DBF4B: variants seen among roughly 807,000 people sequenced by gnomAD.
The protein encoded by DBF4B is protein DBF4 homolog B.
DBF4B carries 49 observed loss-of-function variants against 53.4 expected under a neutral mutation model. The ratio of observed to expected loss-of-function variants is 0.92; its 90% CI spans 0.73 to 1.16. The LOEUF is 1.16. DBF4B is among the 50% of genes most tolerant of loss of function. DBF4B has a pLI of 0.00. For synonymous variants in DBF4B, 257 were observed against 288.7 expected (o/e 0.89, Z 1.11); for missense variants, 692 against 775.0 (o/e 0.89, Z 1.27).
chr17:44,729,113 GA>G (rs569558294), intron 3 of DBF4B, among the ~76,000 whole-genome samples: 7 of 146,364 alleles, frequency 4.8e-5, no homozygotes, highest in African/African-American at 1.3e-4. Context: ...GAAAAGAAAA[GA>G]AAAAAAAAGG....
intron 10 of DBF4B, among the ~76,000 whole-genome samples, chr17:44,742,953 G>A (rs538164209): frequency 6.6e-5 from 10 of 152,308 alleles, no homozygotes; most frequent in Admixed American, 4.6e-4. Context: ...AGTTCCTGGG[G>A]CCAAGGAGGC....
intron 2 of DBF4B, among the ~76,000 whole-genome samples, chr17:44,711,024 C>T (rs191323953): frequency 8.8e-4 from 103 of 116,856 alleles, no homozygotes; most frequent in Non-Finnish European, 9.9e-4. Flanking sequence ...CTCGCTTTGT[C>T]GCCCAGGCTG....
At chr17:44,736,584 C>T (rs1324039976) in intron 7 of DBF4B, among the ~76,000 whole-genome samples, 2 of 152,200 alleles carry the variant, frequency 1.3e-5, no homozygotes, top group Non-Finnish European at 2.9e-5. Context: ...CTGTCCTGCA[C>T]TCCCTGCACA....
chr17:44,722,859 C>T (rs769018788), intron 2 of DBF4B, 21 bp from the exon 3 acceptor site: 1 of 1,611,900 alleles, frequency 6.2e-7, no homozygotes, highest in South Asian at 1.1e-5. Context: ...TCTTACTTTG[C>T]TCCTCTTTAT....
intron 7 of DBF4B, among the ~76,000 whole-genome samples, chr17:44,736,122 CGGGCA>C (rs1975402618): frequency 6.6e-6 from 1 of 151,504 alleles, no homozygotes; most frequent in Non-Finnish European, 1.5e-5. Flanking sequence ...GCTAGGACTA[CGGGCA>C]TGCGCCACCA....
At chr17:44,741,631 T>G (rs567734196) in intron 10 of DBF4B, among the ~76,000 whole-genome samples, 179 bp downstream of exon 10, 2 of 152,226 alleles carry the variant, frequency 1.3e-5, no homozygotes, top group Non-Finnish European at 2.9e-5. Flanking sequence ...TTTTGTGTTC[T>G]TCATCCGTAC....
chr17:44,749,861 A>C lies in DBF4B; in HGVS notation c.1190-734A>C, dbSNP rs2049233552. 9.7e-7 allele frequency: 1 copy of C among 1,027,826 alleles called. No individual in the cohort carries two copies. Among genetic ancestry groups the C allele is most frequent in the East Asian group, 8.7e-5 (1 of 11,534 alleles). The allele number at this position is 1,027,826 out of a possible 1,614,324, so 63.7% of individuals were successfully genotyped here. On this transcript the variant is annotated intron_variant, in intron 13 of 13. Transcript: ENST00000315005. This position sits in a 1 kb window ranked among gnomAD's most constrained non-coding sequence, Gnocchi z 4.4. ...GAGCATGTGGCCGCTCCTGCTTTCCAAAATGACTGTGTTTGTCCCCTCCCC... is the reference window on the plus strand; with the variant it reads ...GAGCATGTGGCCGCTCCTGCTTTCCCAAATGACTGTGTTTGTCCCCTCCCC...
At chr17:44,734,193 A>G (rs746589605) in intron 7 of DBF4B, 30 bp downstream of exon 7, 1 of 1,614,068 alleles carries the variant, frequency 6.2e-7, no homozygotes, top group South Asian at 1.1e-5. Context: ...TGAAGGACAA[A>G]TGGATGGTTT....
chr17:44,752,120 A>C lies in DBF4B; in HGVS notation c.*867A>C. The C allele has an allele frequency of 1.1e-6, 1 of 922,048 alleles. No homozygotes were observed. The highest frequency in any genetic ancestry group is 2.7e-5 in the East Asian group (1 of 37,010). 57.1% of individuals were successfully genotyped at this position (922,048 alleles called of 1,614,324 possible). The stretch of plus-strand genomic sequence containing the variant: ...ACCCCAACTCCCTTCTGCTGGGTGG[A>C]ATGCAGGAGCTAGCTGCCTCCAACT... On this transcript the variant is annotated 3_prime_UTR_variant, in exon 14 of 14. Coordinates refer to ENST00000315005, the MANE Select transcript of DBF4B (RefSeq NM_145663.3).
intron 8 of DBF4B, 22 bp downstream of exon 8, chr17:44,736,888 C>T (rs1975498168): frequency 1.2e-6 from 2 of 1,613,296 alleles, no homozygotes; most frequent in Non-Finnish European, 1.7e-6. Flanking sequence ...AGCTTTTCCT[C>T]ATCTAATTGC....
intron 2 of DBF4B, among the ~76,000 whole-genome samples, chr17:44,718,250 C>G (rs1486267647): frequency 6.6e-6 from 1 of 151,648 alleles, no homozygotes; most frequent in East Asian, 1.9e-4. Context: ...GCCAACATGG[C>G]TGTCTCTACT....
In DBF4B at chr17:44,747,172, C is replaced by T. The variant is rs763351525; in HGVS notation, c.920C>T (p.Ala307Val). The T allele has an allele frequency of 6.2e-7, 1 of 1,614,156 alleles. No individual in the cohort carries two copies. The highest frequency in any genetic ancestry group is 8.5e-7 in the Non-Finnish European group (1 of 1,180,028). The change falls in exon 11 of 14, where the codon GCC becomes GTC. Residue 307 changes from alanine (A) to valine (V), a missense_variant. Coordinates refer to ENST00000315005, the MANE Select transcript of DBF4B (RefSeq NM_145663.3). ...KKGYCECCQE[A>V]FEELHVHLQS... ...GGCTACTGCGAGTGCTGTCAGGAGG[C>T]CTTCGAGGAGCTCCATGTGGTGAGC...
intron 10 of DBF4B, among the ~76,000 whole-genome samples, chr17:44,745,133 T>C (rs922544632): frequency 3.3e-5 from 5 of 152,178 alleles, no homozygotes; most frequent in African/African-American, 9.7e-5. Flanking sequence ...GGTTTCACCA[T>C]GTTGCCCAGG....
intron 8 of DBF4B, among the ~76,000 whole-genome samples, chr17:44,738,001 C>G (rs1053534781): frequency 3.9e-5 from 6 of 152,188 alleles, no homozygotes; most frequent in African/African-American, 1.2e-4. Context: ...CCACCCCCAC[C>G]CTGCTTTTAG....
chr17:44,747,585 C>A, intron 12 of DBF4B, 70 bp downstream of exon 12: 1 of 1,579,462 alleles, frequency 6.3e-7, no homozygotes, highest in South Asian at 1.1e-5. Flanking sequence ...GGGAAGAGAC[C>A]CTCAGGTTGG....
intron 3 of DBF4B, among the ~76,000 whole-genome samples, chr17:44,724,081 C>T (rs1179268604): frequency 6.6e-6 from 1 of 152,140 alleles, no homozygotes; most frequent in Non-Finnish European, 1.5e-5. Context: ...TGCATTCCAG[C>T]CTGGGCAACA....
At chr17:44,735,660 T>C (rs900941283) in intron 7 of DBF4B, among the ~76,000 whole-genome samples, 2 of 152,198 alleles carry the variant, frequency 1.3e-5, no homozygotes, top group African/African-American at 4.8e-5. Context: ...AGAGTGAGAC[T>C]CTGTCTCAAA....
Position 44,751,641 on chromosome 17 carries a change from A to G in DBF4B, c.*388A>G. ...AGTTGATTCAGTAAATCGACTTCAA[A>G]TACTTGAAGGCTCCCACCTTCTGTT... is the stretch of plus-strand genomic sequence containing the variant. On this transcript the variant is annotated 3_prime_UTR_variant, in exon 14 of 14. Transcript: ENST00000315005. 7.3e-7 allele frequency: 1 copy of G among 1,376,354 alleles called. No individual in the cohort carries two copies. Among genetic ancestry groups the G allele is most frequent in the South Asian group, 1.7e-5 (1 of 59,396 alleles). The allele number at this position is 1,376,354 out of a possible 1,614,324, so 85.3% of individuals were successfully genotyped here.
At chr17:44,726,682 G>T (rs1191101309) in intron 3 of DBF4B, among the ~76,000 whole-genome samples, 1 of 152,018 alleles carries the variant, frequency 6.6e-6, no homozygotes, top group Admixed American at 6.6e-5. Context: ...CTTTTGAGTG[G>T]ATTATTAATT....
Sources: gnomAD v4.1 joint callset for allele counts (sites outside exome capture counted in the v4.1 genomes callset) on GRCh38, gnomAD v4.1.1 for gene constraint, Gnocchi (gnomAD v3.1) non-coding constraint, MANE v1.5 for transcripts, NCBI Gene and HGNC (gene_info 2026-07-23, HGNC 2026-07-21) for gene names.